Variants in FNIP2 observed in about 807,000 individuals in gnomAD.
FNIP2 encodes folliculin-interacting protein 2.
FNIP2 carries 32 observed loss-of-function variants against 108.7 expected under a neutral mutation model. The ratio of observed to expected loss-of-function variants is 0.29; its 90% CI spans 0.22 to 0.40. The LOEUF (loss-of-function observed/expected upper bound fraction) is 0.40. Among genes scored for constraint, FNIP2 ranks in the 10% least tolerant of loss-of-function variants. The pLI, the probability that FNIP2 is intolerant of heterozygous loss-of-function variation, is 1.00. For synonymous variants in FNIP2, 480 were observed against 496.7 expected (o/e 0.97, Z 0.45); for missense variants, 1,202 against 1,381.6 (o/e 0.87, Z 2.06).
chr4:158,858,072 A>G (rs1238415088), intron 8 of FNIP2, among the ~76,000 whole-genome samples: 1 of 152,222 alleles, frequency 6.6e-6, no homozygotes, highest in Non-Finnish European at 1.5e-5. Flanking sequence ...CTAAGTAAAT[A>G]AGTTGAAGAC....
intron 12 of FNIP2, 95 bp downstream of exon 12, chr4:158,861,871 A>G: frequency 7.1e-7 from 1 of 1,403,810 alleles, no homozygotes; most frequent in South Asian, 1.3e-5. Context: ...TCACCCAGTA[A>G]TTCATAGGTT....
intron 1 of FNIP2, chr4:158,796,136 A>G (rs994193619): frequency 7.9e-5 from 12 of 152,150 alleles, no homozygotes; most frequent in African/African-American, 2.7e-4. Context: ...CTATCTTCCT[A>G]TTACAAATAT....
intron 15 of FNIP2, among the ~76,000 whole-genome samples, chr4:158,895,470 T>C (rs1270077850): frequency 1.3e-5 from 2 of 152,208 alleles, no homozygotes; most frequent in African/African-American, 2.4e-5. Flanking sequence ...AGAAACACTT[T>C]TGGAATGATT....
At chr4:158,862,457 G>A (rs148877061) in intron 12 of FNIP2, among the ~76,000 whole-genome samples, 2 of 152,282 alleles carry the variant, frequency 1.3e-5, no homozygotes, top group African/African-American at 4.8e-5. Context: ...TAAAAGGCGT[G>A]TTCTAAATCA....
At chr4:158,829,276 T>C in intron 3 of FNIP2, 51 bp downstream of exon 3, 7 of 1,470,162 alleles carry the variant, frequency 4.8e-6, no homozygotes, top group Non-Finnish European at 6.4e-6. Flanking sequence ...AGTTATTTAC[T>C]GTAATTTCTC....
intron 16 of FNIP2, among the ~76,000 whole-genome samples, chr4:158,897,031 G>A (rs1782756596): frequency 6.7e-6 from 1 of 149,324 alleles, no homozygotes. Flanking sequence ...GGTGTGTGAT[G>A]TTCCCCTTCC....
At chr4:158,825,722 T>A (rs1441393196) in intron 1 of FNIP2, among the ~76,000 whole-genome samples, 194 bp from the exon 2 acceptor site, 1 of 152,264 alleles carries the variant, frequency 6.6e-6, no homozygotes, top group Non-Finnish European at 1.5e-5. Context: ...AATTTTCATA[T>A]GGCCCTTTGG....
chr4:158,876,798 T>C (rs1279733931), intron 14 of FNIP2, among the ~76,000 whole-genome samples: 1 of 152,254 alleles, frequency 6.6e-6, no homozygotes, highest in Non-Finnish European at 1.5e-5. Flanking sequence ...CCCTTTCTTC[T>C]GAAGTAAAGA....
At chr4:158,867,191 T>A (rs1364544953) in intron 12 of FNIP2, among the ~76,000 whole-genome samples, 2 of 151,978 alleles carry the variant, frequency 1.3e-5, no homozygotes, top group African/African-American at 2.4e-5. Flanking sequence ...CCAGTTGAAT[T>A]TTCTTTTCTG....
In FNIP2 at chr4:158,769,382, G is replaced by GAGGGGACGGGT. The variant is rs1458630465; in HGVS notation, c.107+70_107+80dup. 3.7e-5 allele frequency: 43 copies of GAGGGGACGGGT among 1,175,820 alleles called. No individual in the cohort carries two copies. The African/African-American group carries it at 6.0e-4, about 16-fold the overall frequency. The allele number at this position is 1,175,820 out of a possible 1,614,324, so 72.8% of individuals were successfully genotyped here. On this transcript the variant is annotated intron_variant, in intron 1 of 16. Coordinates refer to ENST00000264433, the MANE Select transcript of FNIP2 (RefSeq NM_020840.3). ...CGAGTTGGCTTCGGTGCTCGCCGGG[G>GAGGGGACGGGT]AGGGGACGGGTAGGGGAAAGGGAAG...
At chr4:158,802,414 G>A (rs1403785467) in intron 1 of FNIP2, among the ~76,000 whole-genome samples, 1 of 151,814 alleles carries the variant, frequency 6.6e-6, no homozygotes, top group East Asian at 1.9e-4. Flanking sequence ...GACATACTGA[G>A]AGGAGAAAGA....
At chr4:158,893,106 G>A (rs1352256183) in intron 15 of FNIP2, 2 of 152,360 alleles carry the variant, frequency 1.3e-5, no homozygotes, top group African/African-American at 4.8e-5. Flanking sequence ...ACAATCCCGA[G>A]TCTCTCCGAA....
At chr4:158,898,598 C>T (rs1250009629) in intron 16 of FNIP2, among the ~76,000 whole-genome samples, 1 of 152,178 alleles carries the variant, frequency 6.6e-6, no homozygotes, top group Non-Finnish European at 1.5e-5. Flanking sequence ...CTCTTTGTAG[C>T]AATTGTGAAT....
rs192698357 is a variant in FNIP2, at chr4:158,813,873, T to C, written c.108-12043T>C. 1.5e-3 allele frequency among the ~76,000 whole-genome samples: 235 copies of C among 152,348 alleles called. 1 individual carries two copies. The highest frequency in any genetic ancestry group is 5.4e-3 in the African/African-American group (224 of 41,590). On this transcript the variant is annotated intron_variant, in intron 1 of 16. Transcript: ENST00000264433. ...TTTTGTGAAGGATGTAAGGTCTGTG[T>C]CGAGATTCTTTTTTTTGCACCTGGA... is the stretch of plus-strand genomic sequence containing the variant.
intron 1 of FNIP2, among the ~76,000 whole-genome samples, chr4:158,790,333 TAATA>T (rs1436970982): frequency 2.0e-5 from 3 of 151,828 alleles, no homozygotes; most frequent in Non-Finnish European, 2.9e-5. Context: ...AATATCCTAT[TAATA>T]AATCCTGGCC....
chr4:158,795,200 G>A (rs1306409107), intron 1 of FNIP2, among the ~76,000 whole-genome samples: 1 of 152,190 alleles, frequency 6.6e-6, no homozygotes, highest in Admixed American at 6.5e-5. Flanking sequence ...GTGGTATAAT[G>A]AGGTTTTGTT....
At chr4:158,803,932 TTTTTG>T (rs899603305) in intron 1 of FNIP2, among the ~76,000 whole-genome samples, 8 of 152,078 alleles carry the variant, frequency 5.3e-5, no homozygotes, top group African/African-American at 1.4e-4. Flanking sequence ...CATATCATAG[TTTTTG>T]TTTTGTTTTG....
chr4:158,822,968 A>C (rs972787516), intron 1 of FNIP2, among the ~76,000 whole-genome samples: 1 of 152,100 alleles, frequency 6.6e-6, no homozygotes, highest in Non-Finnish European at 1.5e-5. Context: ...TCCTTTTTTC[A>C]TTGAAAAATA....
At chr4:158,885,904 G>A (rs1038186936) in intron 14 of FNIP2, among the ~76,000 whole-genome samples, 2 of 152,146 alleles carry the variant, frequency 1.3e-5, no homozygotes, top group African/African-American at 4.8e-5. Flanking sequence ...TCTAAACCTT[G>A]TAGACAATTT....
Sources: allele counts gnomAD v4.1 joint callset (sites outside exome capture counted in the v4.1 genomes callset), GRCh38; gene constraint gnomAD v4.1.1; transcripts MANE v1.5; gene names NCBI Gene and HGNC (gene_info 2026-07-23, HGNC 2026-07-21).